KIF5C: variants seen among roughly 807,000 people sequenced by gnomAD.
KIF5C encodes the protein kinesin family member 5C.
KIF5C carries 18 observed loss-of-function variants against 125.2 expected under a neutral mutation model. The ratio of observed to expected loss-of-function variants is 0.14; its 90% confidence interval spans 0.10 to 0.21. The LOEUF is 0.21. Ranked by LOEUF, KIF5C falls within the 10% of genes least tolerant of loss-of-function variation. KIF5C has a pLI of 1.00. For synonymous variants in KIF5C, 405 were observed against 434.0 expected, an observed-to-expected ratio of 0.93 and a Z score of 0.83; for missense variants, 780 against 1,183.8, an observed-to-expected ratio of 0.66 and a Z score of 5.01.
At chr2:149,022,026 G>A (rs1418144329) in intron 25 of KIF5C, among the ~76,000 whole-genome samples, 5 of 152,090 alleles carry the variant, frequency 3.3e-5, no homozygotes, top group African/African-American at 4.8e-5. Flanking sequence ...CTGGAGATGC[G>A]CCCAGCACCA....
chr2:148,958,983 CAA>C (rs34226043), intron 10 of KIF5C, among the ~76,000 whole-genome samples: 1 of 137,424 alleles, frequency 7.3e-6, no homozygotes, highest in Admixed American at 7.3e-5. Flanking sequence ...GACTCTGTCT[CAA>C]AAAAAAAAAA....
At chr2:148,967,677 G>A (rs989225395) in intron 11 of KIF5C, among the ~76,000 whole-genome samples, 8 of 152,154 alleles carry the variant, frequency 5.3e-5, no homozygotes, top group South Asian at 2.1e-4. Flanking sequence ...GGCCGATATC[G>A]ATGGCTGGTC....
At chr2:148,923,023 TG>T (rs569103652) in intron 2 of KIF5C, among the ~76,000 whole-genome samples, 1 of 152,216 alleles carries the variant, frequency 6.6e-6, no homozygotes, top group Non-Finnish European at 1.5e-5. Context: ...TGGACAGAGC[TG>T]GGGGGCATCT....
At chr2:148,994,670 T>G in intron 17 of KIF5C, 132 bp downstream of exon 17, 1 of 1,117,310 alleles carries the variant, frequency 9.0e-7, no homozygotes, top group Non-Finnish European at 1.2e-6. Context: ...AAACCATAAC[T>G]AGAAAAAAAG....
At chr2:148,941,470 C>A in intron 4 of KIF5C, 140 bp from the exon 5 acceptor site, 1 of 1,193,240 alleles carries the variant, frequency 8.4e-7, no homozygotes, top group Non-Finnish European at 1.2e-6. Context: ...TAGAGCTGGC[C>A]AGATTTTAAG....
intron 14 of KIF5C, among the ~76,000 whole-genome samples, chr2:148,981,860 C>G (rs1437703990): frequency 6.6e-6 from 1 of 152,198 alleles, no homozygotes; most frequent in Non-Finnish European, 1.5e-5. Flanking sequence ...GTCTTAGTTA[C>G]AAGTCTGACT....
chr2:149,013,010 T>C (rs1366571100), intron 25 of KIF5C, among the ~76,000 whole-genome samples: 1 of 152,220 alleles, frequency 6.6e-6, no homozygotes, highest in Non-Finnish European at 1.5e-5. Context: ...GTGAGCATCC[T>C]TGAGCACCCA....
chr2:149,006,892 A>G (rs4452104), intron 22 of KIF5C, among the ~76,000 whole-genome samples: 78,471 of 151,840 alleles, frequency 0.52, 22,726 homozygotes, highest in Non-Finnish European at 0.64. Flanking sequence ...AAGGAGGTGG[A>G]AGCCATGACC....
intron 1 of KIF5C, among the ~76,000 whole-genome samples, chr2:148,880,940 T>TAA (rs201207663): frequency 3.6e-5 from 5 of 138,046 alleles, no homozygotes; most frequent in African/African-American, 1.1e-4. Flanking sequence ...ATTCACTAGC[T>TAA]AAAAAAAAAC....
At chr2:149,006,177 G>A (rs116615295) in intron 22 of KIF5C, among the ~76,000 whole-genome samples, 2 of 152,158 alleles carry the variant, frequency 1.3e-5, no homozygotes, top group Admixed American at 6.5e-5. Flanking sequence ...GGGTGCATAT[G>A]TGTGTAAATG....
chr2:148,979,705 A>G (rs1475802111), intron 13 of KIF5C, among the ~76,000 whole-genome samples: 3 of 152,202 alleles, frequency 2.0e-5, no homozygotes, highest in East Asian at 3.9e-4. Flanking sequence ...CTGTAGGGAT[A>G]CACAAACAAA....
chr2:148,888,710 C>T (rs2105043882), intron 1 of KIF5C: 1 of 152,142 alleles, frequency 6.6e-6, no homozygotes, highest in East Asian at 1.9e-4. Flanking sequence ...GCAACAAACG[C>T]AGCCCTAATC....
chr2:148,948,384 C>T (rs115738388), intron 8 of KIF5C, among the ~76,000 whole-genome samples: 166 of 151,396 alleles, frequency 1.1e-3, no homozygotes, highest in South Asian at 1.9e-3. Flanking sequence ...TTTACTAGTA[C>T]GGGCTTGTAA....
At position 148,942,745 on chromosome 2, in the gene KIF5C, C is replaced by T; in HGVS notation, c.574C>T (p.His192Tyr). The T allele has an allele frequency of 6.2e-7, 1 of 1,610,038 alleles. No homozygotes were observed. The highest frequency in any genetic ancestry group is 8.5e-7 in the Non-Finnish European group (1 of 1,178,398). The change falls in exon 7 of 26, where the codon CAC becomes TAC. Residue 192 changes from histidine (H) to tyrosine (Y), a missense_variant. Physicochemically the swap from His to Tyr is moderately conservative, Grantham distance 83. Coordinates refer to ENST00000435030, the MANE Select transcript of KIF5C (RefSeq NM_004522.3). Reference protein sequence around the residue: ...DVIDEGKANRHVAVTNMNEHS... With the variant: ...DVIDEGKANRYVAVTNMNEHS... ...AATAGATGAAGGCAAAGCAAACCGA[C>T]ACGTGGCTGTGACAAGTAAGCATGG...
At chr2:148,887,730 G>A (rs949908352) in intron 1 of KIF5C, among the ~76,000 whole-genome samples, 1 of 151,348 alleles carries the variant, frequency 6.6e-6, no homozygotes, top group Non-Finnish European at 1.5e-5. Flanking sequence ...GGGGGTACAT[G>A]TGCAGGTTTG....
At chr2:148,927,089 A>G (rs1042265056) in intron 2 of KIF5C, among the ~76,000 whole-genome samples, 1 of 152,166 alleles carries the variant, frequency 6.6e-6, no homozygotes, top group Non-Finnish European at 1.5e-5. Flanking sequence ...CTTAGTCCAA[A>G]ACAAGTGAAG....
At chr2:148,989,295 C>T (rs553124210) in intron 15 of KIF5C, among the ~76,000 whole-genome samples, 1 of 152,000 alleles carries the variant, frequency 6.6e-6, no homozygotes, top group Non-Finnish European at 1.5e-5. Context: ...CCGAATGCCA[C>T]TATTCCATTC....
chr2:148,990,982 A>G, intron 15 of KIF5C, 28 bp from the exon 16 acceptor site: 1 of 1,601,130 alleles, frequency 6.2e-7, no homozygotes, highest in Non-Finnish European at 8.5e-7. Context: ...TGTGGGCAAC[A>G]TTTGAGTGTG....
At chr2:148,913,459 T>C (rs1157759699) in intron 1 of KIF5C, among the ~76,000 whole-genome samples, 2 of 152,250 alleles carry the variant, frequency 1.3e-5, no homozygotes, top group Non-Finnish European at 2.9e-5. Flanking sequence ...ATTATAATTA[T>C]GTAAGCTGTT....
Sources: gnomAD v4.1 joint callset for allele counts (sites outside exome capture counted in the v4.1 genomes callset) on GRCh38, gnomAD v4.1.1 for gene constraint, MANE v1.5 for transcripts, NCBI Gene and HGNC (gene_info 2026-07-23, HGNC 2026-07-21) for gene names.